ARHGAP31: variants seen among roughly 807,000 people sequenced by gnomAD.
The protein encoded by ARHGAP31 is rho GTPase-activating protein 31.
Under a neutral mutation model 113.9 loss-of-function variants are expected in ARHGAP31, and 34 were observed. The ratio of observed to expected loss-of-function variants is 0.30; its 90% CI spans 0.23 to 0.40. The LOEUF is 0.40. Ranked by LOEUF, ARHGAP31 falls within the 10% of genes least tolerant of loss-of-function variation. The pLI, the probability that ARHGAP31 is intolerant of heterozygous loss-of-function variation, is 1.00. For synonymous variants in ARHGAP31, 650 were observed against 684.8 expected (o/e 0.95, Z 0.79); for missense variants, 1,548 against 1,767.1 (o/e 0.88, Z 2.22).
chr3:119,376,364 C>G (rs1445011321), intron 3 of ARHGAP31, among the ~76,000 whole-genome samples: 1 of 152,108 alleles, frequency 6.6e-6, no homozygotes, highest in Non-Finnish European at 1.5e-5. Flanking sequence ...TAGTGTGCGC[C>G]TGTAATCCCA....
chr3:119,408,562 C>T (rs2080685644), intron 10 of ARHGAP31, among the ~76,000 whole-genome samples: 1 of 152,232 alleles, frequency 6.6e-6, no homozygotes, highest in Non-Finnish European at 1.5e-5. Flanking sequence ...ACTTTATCCT[C>T]ACATCAGCCC....
chr3:119,370,331 T>C (rs1417662813), intron 3 of ARHGAP31, among the ~76,000 whole-genome samples: 1 of 152,232 alleles, frequency 6.6e-6, no homozygotes, highest in Non-Finnish European at 1.5e-5. Context: ...TTGATCTGTC[T>C]CCTTAAAGAC....
At chr3:119,314,294 T>A (rs1055275948) in intron 1 of ARHGAP31, 4 of 152,278 alleles carry the variant, frequency 2.6e-5, no homozygotes, top group Non-Finnish European at 5.9e-5. Context: ...GTGCCTTTCC[T>A]GGTCCTCCAG....
chr3:119,380,816 G>T, intron 3 of ARHGAP31, 88 bp from the exon 4 acceptor site: 2 of 1,093,132 alleles, frequency 1.8e-6, no homozygotes, highest in Non-Finnish European at 1.4e-6. Flanking sequence ...TGAGGCTGGA[G>T]TATGAGGGCT....
At position 119,406,560 on chromosome 3, in the gene ARHGAP31, C is replaced by T. The variant is rs1044961087; in HGVS notation, c.1646-2936C>T. Among the ~76,000 whole-genome samples, 3 of 152,328 alleles carry T rather than the reference C, an allele frequency of 2.0e-5. No individual in the cohort carries two copies. In the South Asian group the frequency reaches 6.2e-4, roughly 32 times the overall value. The stretch of plus-strand genomic sequence containing the variant: ...TCCACACAGTGAAGTTCTATAGAGT[C>T]CATAGCTTTGTGAGCCTTGCACCAC... On this transcript the variant is annotated intron_variant, in intron 10 of 11. Transcript: ENST00000264245.
At chr3:119,318,637 A>G (rs1347924872) in intron 1 of ARHGAP31, among the ~76,000 whole-genome samples, 1 of 152,234 alleles carries the variant, frequency 6.6e-6, no homozygotes, top group Non-Finnish European at 1.5e-5. Context: ...GTAGAAATTC[A>G]CAACTAATAT....
At chr3:119,330,202 A>G (rs1559968904) in intron 1 of ARHGAP31, among the ~76,000 whole-genome samples, 1 of 152,196 alleles carries the variant, frequency 6.6e-6, no homozygotes, top group Non-Finnish European at 1.5e-5. Context: ...GTATTTTCCC[A>G]TGTGCCTCTT....
chr3:119,304,037 G>A (rs1487703701), intron 1 of ARHGAP31, among the ~76,000 whole-genome samples: 2 of 151,946 alleles, frequency 1.3e-5, no homozygotes, highest in African/African-American at 2.4e-5. Flanking sequence ...CTCGTGATCC[G>A]CCTGCCTCAG....
intron 1 of ARHGAP31, among the ~76,000 whole-genome samples, chr3:119,321,774 A>G (rs1415039224): frequency 1.3e-5 from 2 of 152,056 alleles, no homozygotes; most frequent in African/African-American, 2.4e-5. Flanking sequence ...TCAGCCTCCC[A>G]AGTAGCTGGA....
intron 1 of ARHGAP31, among the ~76,000 whole-genome samples, chr3:119,338,352 C>T (rs1382977937): frequency 6.6e-6 from 1 of 152,148 alleles, no homozygotes; most frequent in African/African-American, 2.4e-5. Flanking sequence ...AGTAGTTTGA[C>T]CTTGTTTCAG....
At chr3:119,402,455 T>A in intron 10 of ARHGAP31, 58 bp downstream of exon 10, 3 of 1,559,332 alleles carry the variant, frequency 1.9e-6, no homozygotes, top group Non-Finnish European at 2.6e-6. Flanking sequence ...AGACTTAAAT[T>A]TGCTTGAGTT....
At chr3:119,295,066 C>T in intron 1 of ARHGAP31, 62 bp downstream of exon 1, 2 of 1,485,638 alleles carry the variant, frequency 1.3e-6, no homozygotes, top group Non-Finnish European at 1.9e-6. Context: ...GAGAGACGGA[C>T]TCTCTCGAGT....
intron 6 of ARHGAP31, among the ~76,000 whole-genome samples, chr3:119,389,212 C>G (rs1012820525): frequency 6.6e-6 from 1 of 151,856 alleles, no homozygotes; most frequent in Non-Finnish European, 1.5e-5. Context: ...ACAAAAAAAA[C>G]CATCTAATCA....
intron 1 of ARHGAP31, among the ~76,000 whole-genome samples, chr3:119,304,099 T>G (rs1198775267): frequency 1.2e-4 from 18 of 152,188 alleles, no homozygotes; most frequent in Admixed American, 1.2e-3. Context: ...CGGCCTCTTT[T>G]CATGTTTTAA....
At chr3:119,379,830 G>A (rs1052659109) in intron 3 of ARHGAP31, among the ~76,000 whole-genome samples, 2 of 152,168 alleles carry the variant, frequency 1.3e-5, no homozygotes, top group Non-Finnish European at 2.9e-5. Flanking sequence ...ATATCTCAGT[G>A]AAAAAGGAAA....
At chr3:119,349,275 G>A (rs1281785779) in intron 1 of ARHGAP31, among the ~76,000 whole-genome samples, 2 of 152,194 alleles carry the variant, frequency 1.3e-5, no homozygotes, top group African/African-American at 4.8e-5. Flanking sequence ...CAAAACAGAA[G>A]CTCATAGAAA....
At chr3:119,352,796 T>G (rs1197081263) in intron 1 of ARHGAP31, among the ~76,000 whole-genome samples, 1 of 152,170 alleles carries the variant, frequency 6.6e-6, no homozygotes, top group Non-Finnish European at 1.5e-5. Context: ...TTAGAAAGAT[T>G]TATCTGGAAG....
At chr3:119,379,473 A>G (rs1702515113) in intron 3 of ARHGAP31, among the ~76,000 whole-genome samples, 1 of 152,210 alleles carries the variant, frequency 6.6e-6, no homozygotes, top group South Asian at 2.1e-4. Flanking sequence ...GAAATTCAGT[A>G]TTTACATGCA....
intron 1 of ARHGAP31, among the ~76,000 whole-genome samples, chr3:119,307,908 G>T (rs1188040024): frequency 7.6e-5 from 8 of 104,854 alleles, no homozygotes; most frequent in African/African-American, 2.5e-4. Context: ...GGTAAATCTG[G>T]CTTGAGAGTG....
Sources: allele counts gnomAD v4.1 joint callset (sites outside exome capture counted in the v4.1 genomes callset), GRCh38; gene constraint gnomAD v4.1.1; transcripts MANE v1.5; gene names NCBI Gene and HGNC (gene_info 2026-07-23, HGNC 2026-07-21).